GRIA1: variants seen among roughly 807,000 people sequenced by gnomAD.
GRIA1 encodes glutamate receptor 1.
In GRIA1, 31 loss-of-function variants were observed where a neutral mutation model predicts 99.2. The ratio of observed to expected loss-of-function variants is 0.31; its 90% CI spans 0.23 to 0.42. GRIA1 has a LOEUF of 0.42. GRIA1 is among the 10% of genes least tolerant of loss of function. The pLI is 1.00. For synonymous variants in GRIA1, 438 were observed against 432.4 expected (o/e 1.01, Z -0.16); for missense variants, 782 against 1,157.5 (o/e 0.68, Z 4.71).
At chr5:153,765,530 T>G (rs866338827) in intron 12 of GRIA1, among the ~76,000 whole-genome samples, 1 of 151,954 alleles carries the variant, frequency 6.6e-6, no homozygotes. Flanking sequence ...AAAGCCAGGG[T>G]AGACCTGTAA....
At chr5:153,577,405 G>C (rs1762663614) in intron 2 of GRIA1, among the ~76,000 whole-genome samples, 1 of 152,172 alleles carries the variant, frequency 6.6e-6, no homozygotes, top group South Asian at 2.1e-4. Context: ...GTAATTTTGT[G>C]ATATAGAAAA....
At chr5:153,561,789 T>C (rs190832046) in intron 2 of GRIA1, among the ~76,000 whole-genome samples, 1 of 152,240 alleles carries the variant, frequency 6.6e-6, no homozygotes, top group East Asian at 1.9e-4. Context: ...ATATGCAAAG[T>C]GCTATAGTGG....
intron 5 of GRIA1, among the ~76,000 whole-genome samples, chr5:153,659,983 A>G (rs1211226404): frequency 1.3e-5 from 2 of 152,214 alleles, no homozygotes; most frequent in African/African-American, 4.8e-5. Context: ...TGTATGAATC[A>G]TACTACCGGG....
intron 11 of GRIA1, among the ~76,000 whole-genome samples, chr5:153,729,285 A>G (rs1243017939): frequency 2.0e-5 from 3 of 151,988 alleles, no homozygotes; most frequent in Admixed American, 6.6e-5. Flanking sequence ...CCTAATGCTA[A>G]ATGACGAGTT....
chr5:153,507,165 T>C (rs1225789812), intron 2 of GRIA1, among the ~76,000 whole-genome samples: 1 of 152,062 alleles, frequency 6.6e-6, no homozygotes, highest in Non-Finnish European at 1.5e-5. Flanking sequence ...GTTTCTATGT[T>C]GATGTAATGA....
chr5:153,606,281 T>C (rs1765427659), intron 2 of GRIA1, among the ~76,000 whole-genome samples: 1 of 152,278 alleles, frequency 6.6e-6, no homozygotes, highest in Non-Finnish European at 1.5e-5. Flanking sequence ...TCTTTTCTGT[T>C]CCACTGGTTT....
chr5:153,604,967 C>T (rs1279844768), intron 2 of GRIA1, among the ~76,000 whole-genome samples: 2 of 151,934 alleles, frequency 1.3e-5, no homozygotes, highest in African/African-American at 2.4e-5. Flanking sequence ...GGTGGCCAGG[C>T]GCAGTGGTCA....
rs910614844 is a variant in GRIA1 at position 153,725,096 on chromosome 5, C to T, written c.1823+19029C>T. Among the ~76,000 whole-genome samples the T allele has an allele frequency of 7.2e-5, 11 of 152,258 alleles. No individual in the cohort carries two copies. The South Asian group carries it at 1.9e-3, about 26-fold the overall frequency. ...GAAGCGACTGGGGGCCAATATTCAA[C>T]ATTCTTACAGAAAAGAATTTTCAAC... On this transcript the variant is annotated intron_variant, in intron 11 of 15. Transcript: ENST00000285900.
Position 153,494,003 on chromosome 5 carries a change from C to G in GRIA1, c.158C>G (p.Pro53Arg), listed in dbSNP as rs1754178854. 1 of 1,613,906 alleles carries G rather than the reference C, an allele frequency of 6.2e-7. No homozygotes were observed. The highest frequency in any genetic ancestry group is 8.5e-7 in the Non-Finnish European group (1 of 1,179,940). Reference protein sequence around the residue: ...RFALSQLTEPPKLLPQIDIVN... With the variant: ...RFALSQLTEPRKLLPQIDIVN... ...GCTTTGTCGCAACTCACAGAGCCCC[C>G]GAAGCTGCTCCCCCAGATTGATATT... is the stretch of plus-strand genomic sequence containing the variant. The change falls in exon 2 of 16, where the codon CCG becomes CGG. Residue 53 changes from proline to arginine, a missense_variant. By Grantham distance (103) the Pro-to-Arg change is moderately radical. Around this residue, in one of 5 missense-constraint regions of GRIA1, gnomAD observed 461 missense variants for 521.7 expected, o/e 0.88. Transcript: ENST00000285900.
intron 11 of GRIA1, among the ~76,000 whole-genome samples, chr5:153,731,351 C>T (rs1046803109): frequency 1.3e-5 from 2 of 151,924 alleles, no homozygotes; most frequent in African/African-American, 2.4e-5. Context: ...CCTGGAGAGT[C>T]TATTCCATGC....
chr5:153,582,970 G>A (rs1302267601), intron 2 of GRIA1, among the ~76,000 whole-genome samples: 3 of 151,948 alleles, frequency 2.0e-5, no homozygotes, highest in Non-Finnish European at 4.4e-5. Flanking sequence ...GCTAATTTTT[G>A]TATTTTTGGT....
At chr5:153,607,361 T>G (rs2149404984) in intron 2 of GRIA1, among the ~76,000 whole-genome samples, 1 of 152,062 alleles carries the variant, frequency 6.6e-6, no homozygotes, top group African/African-American at 2.4e-5. Flanking sequence ...TATTTACTTC[T>G]TCTTTTCTAT....
At position 153,701,619 on chromosome 5, in the gene GRIA1, CAAAAAAA is replaced by C. The variant is rs70978504; in HGVS notation, c.1452+2563_1452+2569del. On this transcript the variant is annotated intron_variant, in intron 10 of 15. Transcript: ENST00000285900. ...CTGGGCGACAAAGCGAGACCCGTCT[CAAAAAAA>C]AAAAAAAAAAAAAAAATACTATGTT... is the stretch of plus-strand genomic sequence containing the variant. Among the ~76,000 whole-genome samples, 25 of 39,414 alleles carry C rather than the reference CAAAAAAA, an allele frequency of 6.3e-4. 2 individuals are homozygous for C. In the Admixed American group the frequency reaches 7.5e-3, roughly 12 times the overall value. 25.9% of individuals were successfully genotyped at this position (39,414 alleles called of 152,430 possible). A position where few individuals can be genotyped will look rare whatever the true frequency, so the allele number is the denominator to read the frequency against.
rs1439643108 is a variant in GRIA1, at chr5:153,747,465, A to G, written c.1824-16969A>G. Among the ~76,000 whole-genome samples the G allele has an allele frequency of 1.3e-5, 2 of 152,206 alleles. 1 individual carries two copies. On this transcript the variant is annotated intron_variant, in intron 11 of 15. Coordinates refer to ENST00000285900, the MANE Select transcript of GRIA1 (RefSeq NM_000827.4). ...TGAGATTTGGATGAGACGAACATCC[A>G]AACTCTCTCAGGGGATACACCCACC...
intron 6 of GRIA1, 104 bp from the exon 7 acceptor site, chr5:153,676,890 C>T (rs572816757): frequency 1.3e-5 from 12 of 910,822 alleles, no homozygotes; most frequent in Non-Finnish European, 1.7e-5. Context: ...TGGCCCACTG[C>T]ACACCCTTCT....
chr5:153,627,124 C>A (rs1029874936), intron 2 of GRIA1, among the ~76,000 whole-genome samples: 3 of 152,204 alleles, frequency 2.0e-5, no homozygotes, highest in Admixed American at 6.5e-5. Flanking sequence ...TTGCTCTTAT[C>A]TTTCTTAGTG....
At chr5:153,712,985 G>T (rs1205663723) in intron 11 of GRIA1, among the ~76,000 whole-genome samples, 6 of 152,194 alleles carry the variant, frequency 3.9e-5, no homozygotes, top group Non-Finnish European at 8.8e-5. Flanking sequence ...ATTAAAGTTT[G>T]GAAGTCATTG....
At chr5:153,520,400 A>G (rs917129967) in intron 2 of GRIA1, among the ~76,000 whole-genome samples, 1 of 152,194 alleles carries the variant, frequency 6.6e-6, no homozygotes, top group African/African-American at 2.4e-5. Flanking sequence ...TACCAAATCA[A>G]AAGTTGCCAG....
chr5:153,722,792 A>C (rs896797091), intron 11 of GRIA1, among the ~76,000 whole-genome samples: 27 of 152,214 alleles, frequency 1.8e-4, no homozygotes, highest in African/African-American at 6.3e-4. Context: ...TTCTCTTCAC[A>C]TAGAGACTCC....
Sources: allele counts gnomAD v4.1 joint callset (sites outside exome capture counted in the v4.1 genomes callset), GRCh38; gene constraint gnomAD v4.1.1; regional missense constraint gnomAD v4.1.1; transcripts MANE v1.5; gene names NCBI Gene and HGNC (gene_info 2026-07-23, HGNC 2026-07-21).